Variants in SEL1L2 observed in about 807,000 individuals in gnomAD.
SEL1L2 encodes the protein protein sel-1 homolog 2.
A neutral mutation model predicts 98.8 loss-of-function variants in SEL1L2; 89 were observed. That is an observed-to-expected ratio of 0.90 (90% CI 0.76 to 1.07). SEL1L2 has a LOEUF of 1.07. SEL1L2 is among the 50% of genes least tolerant of loss of function. The pLI is 0.00. For missense variants in SEL1L2, 788 were observed against 812.0 expected, an observed-to-expected ratio of 0.97 and a Z score of 0.36; for synonymous variants, 262 against 278.5, an observed-to-expected ratio of 0.94 and a Z score of 0.59.
At chr20:13,850,043 T>C (rs1444912255) in intron 19 of SEL1L2, 148 bp downstream of exon 19, 2 of 789,628 alleles carry the variant, frequency 2.5e-6, no homozygotes, top group African/African-American at 3.5e-5. Context: ...GCAGAATTAC[T>C]CTGCATGGCA....
intron 3 of SEL1L2, among the ~76,000 whole-genome samples, chr20:13,927,806 C>T (rs1415331880): frequency 6.6e-6 from 1 of 152,148 alleles, no homozygotes; most frequent in Non-Finnish European, 1.5e-5. Context: ...ATTCTTGTTT[C>T]ATTCCACATT....
chr20:13,855,460 G>A (rs1172009947), intron 18 of SEL1L2, among the ~76,000 whole-genome samples: 1 of 152,132 alleles, frequency 6.6e-6, no homozygotes, highest in East Asian at 1.9e-4. Flanking sequence ...GGAGGTAAAG[G>A]TTATACTTTA....
chr20:13,912,805 T>C (rs2048260632), intron 5 of SEL1L2, among the ~76,000 whole-genome samples: 1 of 152,190 alleles, frequency 6.6e-6, no homozygotes, highest in African/African-American at 2.4e-5. Flanking sequence ...ACTACCCCCA[T>C]CTGGTATTTA....
intron 1 of SEL1L2, among the ~76,000 whole-genome samples, chr20:13,966,044 A>G (rs2051025269): frequency 6.6e-6 from 1 of 152,124 alleles, no homozygotes; most frequent in Non-Finnish European, 1.5e-5. Context: ...GAGAATTACC[A>G]CATGTGACAG....
At chr20:13,983,550 C>T (rs930907072) in intron 1 of SEL1L2, among the ~76,000 whole-genome samples, 1 of 151,404 alleles carries the variant, frequency 6.6e-6, no homozygotes, top group Non-Finnish European at 1.5e-5. Flanking sequence ...GACAGAGTTT[C>T]GCTCTTGTTG....
upstream of SEL1L2, among the ~76,000 whole-genome samples, chr20:13,992,193 T>C: frequency 6.6e-6 from 1 of 152,074 alleles, no homozygotes; most frequent in East Asian, 1.9e-4. Flanking sequence ...GTCCCAGGTG[T>C]TGCAATGAAC....
intron 10 of SEL1L2, among the ~76,000 whole-genome samples, chr20:13,883,785 TG>T (rs1183376304): frequency 1.3e-5 from 2 of 152,244 alleles, no homozygotes; most frequent in African/African-American, 4.8e-5. Flanking sequence ...AAGATTGGTT[TG>T]TCTTCCCTAC....
intron 5 of SEL1L2, among the ~76,000 whole-genome samples, chr20:13,906,332 T>C (rs2047929433): frequency 6.6e-6 from 1 of 152,200 alleles, no homozygotes; most frequent in Non-Finnish European, 1.5e-5. Flanking sequence ...AATTTAAACA[T>C]TAAATATTCC....
Position 13,887,944 on chromosome 20 carries a change from A to G in SEL1L2, c.661T>C (p.Leu221=), listed in dbSNP as rs1026577501. 1.2e-5 allele frequency: 19 copies of G among 1,613,622 alleles called. No individual in the cohort carries two copies. Among genetic ancestry groups the G allele is most frequent in the Admixed American group, 3.3e-5 (2 of 59,994 alleles). Reference sequence around the variant, plus strand: ...CCAAGAATATTTTGTTTACAAACCAAAATCATCTGGGACATCATGTTTCCT... The same window carrying G: ...CCAAGAATATTTTGTTTACAAACCAGAATCATCTGGGACATCATGTTTCCT... The part of the protein sequence containing the change: ...AGGNMMSQMI[L]GYRYLSGINV... The change falls in exon 7 of 20, where the codon TTG becomes CTG. Residue 221 remains leucine (L), a splice_region_variant and synonymous_variant. Transcript: ENST00000284951.
intron 14 of SEL1L2, among the ~76,000 whole-genome samples, chr20:13,869,049 G>T (rs569234972): frequency 6.6e-6 from 1 of 151,010 alleles, no homozygotes; most frequent in African/African-American, 2.4e-5. Context: ...ATTCTTCTCA[G>T]TGATGTACTT....
At chr20:13,907,398 T>TA (rs1169446627) in intron 5 of SEL1L2, among the ~76,000 whole-genome samples, 31 of 148,610 alleles carry the variant, frequency 2.1e-4, no homozygotes, top group African/African-American at 3.2e-4. Context: ...AATCCTGTCT[T>TA]AAAAAAAAAA....
At chr20:13,981,694 A>T (rs988240518) in intron 1 of SEL1L2, among the ~76,000 whole-genome samples, 3 of 152,220 alleles carry the variant, frequency 2.0e-5, no homozygotes, top group Non-Finnish European at 2.9e-5. Flanking sequence ...TTTTTTACTG[A>T]TCCCTCACAT....
chr20:13,901,067 C>CTTTTTTTTTT (rs2047651182), intron 5 of SEL1L2, among the ~76,000 whole-genome samples: 1 of 139,140 alleles, frequency 7.2e-6, no homozygotes. Flanking sequence ...CTTTTTCTTT[C>CTTTTTTTTTT]TTTCTTTCTT....
At chr20:13,939,040 G>GGTTTTTTGTTTTTTTTTTTTTTTT in intron 2 of SEL1L2, among the ~76,000 whole-genome samples, 1 of 114,072 alleles carries the variant, frequency 8.8e-6, no homozygotes, top group Non-Finnish European at 1.7e-5. Flanking sequence ...TGCTTGTTTT[G>GGTTTTTTGTTTTTTTTTTTTTTTT]TTTTTTTTTT....
At chr20:13,966,879 C>CT (rs35292120) in intron 1 of SEL1L2, among the ~76,000 whole-genome samples, 46,212 of 104,302 alleles carry the variant, frequency 0.44, 11,981 homozygotes, top group South Asian at 0.65. Context: ...AGAGACCTGT[C>CT]TTTTTTTTTT....
intron 5 of SEL1L2, among the ~76,000 whole-genome samples, chr20:13,891,977 G>A (rs1242493256): frequency 2.0e-5 from 3 of 152,026 alleles, no homozygotes; most frequent in Non-Finnish European, 4.4e-5. Flanking sequence ...ATCAATTCTG[G>A]TATACAATTT....
intron 2 of SEL1L2, among the ~76,000 whole-genome samples, chr20:13,943,663 T>C (rs1230947085): frequency 6.6e-6 from 1 of 152,138 alleles, no homozygotes; most frequent in Admixed American, 6.5e-5. Context: ...CTCTGAGAAC[T>C]ATACAAAAAA....
intron 10 of SEL1L2, among the ~76,000 whole-genome samples, chr20:13,881,692 A>G (rs2046709199): frequency 6.6e-6 from 1 of 152,212 alleles, no homozygotes; most frequent in Admixed American, 6.5e-5. Flanking sequence ...GATTAGTTCA[A>G]CCAAACAGTG....
In SEL1L2 at chr20:13,951,509, G is replaced by A. The variant is rs1432813122; in HGVS notation, c.114+4567C>T. On this transcript the variant is annotated intron_variant, in intron 2 of 19. Transcript: ENST00000284951. ...CCAGCCTGGGGAGGCTGAGGCAGGA[G>A]AATCTCTTGAATCCGGGAGGTGGAG... Among the ~76,000 whole-genome samples, 10 of 135,284 alleles carry A rather than the reference G, an allele frequency of 7.4e-5. No homozygotes were observed. The South Asian group carries it at 2.6e-3, about 36-fold the overall frequency. 88.8% of individuals were successfully genotyped at this position (135,284 alleles called of 152,430 possible). A position where few individuals can be genotyped will look rare whatever the true frequency, so the allele number is the denominator to read the frequency against.
Sources: gnomAD v4.1 joint callset for allele counts (sites outside exome capture counted in the v4.1 genomes callset) on GRCh38, gnomAD v4.1.1 for gene constraint, MANE v1.5 for transcripts, NCBI Gene and HGNC (gene_info 2026-07-23, HGNC 2026-07-21) for gene names.